The following PIK3CA variants were observed in gnomAD, a reference collection of about 807,000 sequenced individuals.
The protein encoded by PIK3CA is phosphatidylinositol 4,5-bisphosphate 3-kinase catalytic subunit alpha isoform.
In PIK3CA, 27 loss-of-function variants were observed where a neutral mutation model predicts 138.2. The ratio of observed to expected loss-of-function variants is 0.20; its 90% CI spans 0.14 to 0.27. The LOEUF (loss-of-function observed/expected upper bound fraction) is 0.27, where lower values mean the gene tolerates loss of function less well. Ranked by LOEUF, PIK3CA falls within the 10% of genes least tolerant of loss-of-function variation. The pLI is 1.00. For synonymous variants in PIK3CA, 358 were observed against 413.2 expected (o/e 0.87, Z 1.62); for missense variants, 544 against 1,277.4 (o/e 0.43, Z 8.75).
chr3:179,231,792 GCCAC>G (rs1725219349), intron 20 of PIK3CA, among the ~76,000 whole-genome samples: 2 of 151,698 alleles, frequency 1.3e-5, no homozygotes, highest in African/African-American at 4.8e-5. Context: ...ACAGGCACAT[GCCAC>G]CACACACGGC....
intron 17 of PIK3CA, among the ~76,000 whole-genome samples, chr3:179,226,298 C>T (rs566222012): frequency 1.6e-4 from 24 of 152,152 alleles, no homozygotes; most frequent in African/African-American, 5.8e-4. Context: ...AGGAACAAGA[C>T]AAAGGAGACA....
intron 3 of PIK3CA, 21 bp downstream of exon 3, chr3:179,199,920 C>A (rs922474796): frequency 7.2e-7 from 1 of 1,383,342 alleles, no homozygotes; most frequent in Non-Finnish European, 1.0e-6. Context: ...GACTAATCTA[C>A]TCTAATCATT....
intron 1 of PIK3CA, among the ~76,000 whole-genome samples, chr3:179,189,091 G>A (rs1576927424): frequency 6.6e-6 from 1 of 152,160 alleles, no homozygotes; most frequent in East Asian, 1.9e-4. Context: ...GCACATGCTT[G>A]TAGTCCCAGC....
At chr3:179,178,274 A>C (rs1296481044) in intron 1 of PIK3CA, among the ~76,000 whole-genome samples, 2 of 151,286 alleles carry the variant, frequency 1.3e-5, no homozygotes, top group Non-Finnish European at 2.9e-5. Context: ...AAAAAAAAAA[A>C]AAAAAACTCA....
chr3:179,195,491 A>G (rs1414074549), intron 1 of PIK3CA, among the ~76,000 whole-genome samples: 1 of 152,042 alleles, frequency 6.6e-6, no homozygotes, highest in South Asian at 2.1e-4. Flanking sequence ...TATTATCCCA[A>G]TTTCACAAAT....
intron 6 of PIK3CA, among the ~76,000 whole-genome samples, chr3:179,208,173 T>A (rs190564941): frequency 3.9e-5 from 6 of 152,316 alleles, no homozygotes; most frequent in African/African-American, 1.4e-4. Context: ...TTTTTAAAAA[T>A]CTTTATCCAT....
chr3:179,150,499 G>A (rs1050807362), intron 1 of PIK3CA, among the ~76,000 whole-genome samples: 1 of 152,020 alleles, frequency 6.6e-6, no homozygotes, highest in Non-Finnish European at 1.5e-5. Flanking sequence ...TTTATTTAAG[G>A]TTAAAAAAAT....
chr3:179,161,389 GAGAA>G (rs1484163058), intron 1 of PIK3CA, among the ~76,000 whole-genome samples: 1 of 152,132 alleles, frequency 6.6e-6, no homozygotes, highest in African/African-American at 2.4e-5. Flanking sequence ...GAACAGATAG[GAGAA>G]AGAAACATAA....
rs1346554417 is a variant in PIK3CA at position 179,203,802 on chromosome 3, G to T, written c.1059+13G>T. On this transcript the variant is annotated intron_variant, in intron 5 of 20. Coordinates refer to ENST00000263967, the MANE Select transcript of PIK3CA (RefSeq NM_006218.4). ...AGACATTGATAAGGTAAAGTCAAAT[G>T]CTGATGCTTATTATTTTATAGAAAT... 1 of 1,570,280 alleles carries T rather than the reference G, an allele frequency of 6.4e-7. No individual in the cohort carries two copies. Among genetic ancestry groups the T allele is most frequent in the Non-Finnish European group, 8.6e-7 (1 of 1,157,574 alleles).
At chr3:179,152,150 TA>T (rs1723028987) in intron 1 of PIK3CA, among the ~76,000 whole-genome samples, 1 of 152,214 alleles carries the variant, frequency 6.6e-6, no homozygotes, top group Non-Finnish European at 1.5e-5. Context: ...TTTTGGTCAC[TA>T]AAAATGTACA....
chr3:179,204,601 ATAGATT>A lies in PIK3CA; in HGVS notation c.1145+16_1145+21del. 1 of 1,265,552 alleles carries A rather than the reference ATAGATT, an allele frequency of 7.9e-7. No homozygotes were observed. Among genetic ancestry groups the A allele is most frequent in the Non-Finnish European group, 1.2e-6 (1 of 863,786 alleles). The allele number at this position is 1,265,552 out of a possible 1,614,324, so 78.4% of individuals were successfully genotyped here. A position where few individuals can be genotyped will look rare whatever the true frequency, so the allele number is the denominator to read the frequency against. On this transcript the variant is annotated intron_variant, in intron 6 of 20. Coordinates refer to ENST00000263967, the MANE Select transcript of PIK3CA (RefSeq NM_006218.4). ...GTTCCAATCCCAGGTAAGGAAGTAT[ATAGATT>A]TATATTTCCAAAGGTTATATTAGTG...
intron 1 of PIK3CA, among the ~76,000 whole-genome samples, chr3:179,177,867 G>C (rs567241100): frequency 6.6e-6 from 1 of 152,008 alleles, no homozygotes; most frequent in African/African-American, 2.4e-5. Flanking sequence ...AAAATGAATA[G>C]ACAAGCCACA....
intron 9 of PIK3CA, among the ~76,000 whole-genome samples, chr3:179,212,466 A>G (rs1724738683): frequency 6.6e-6 from 1 of 151,580 alleles, no homozygotes; most frequent in Non-Finnish European, 1.5e-5. Flanking sequence ...AAAATTAGCC[A>G]GGCGTTGTTG....
At chr3:179,155,006 C>T (rs550387272) in intron 1 of PIK3CA, among the ~76,000 whole-genome samples, 53 of 152,134 alleles carry the variant, frequency 3.5e-4, no homozygotes, top group Admixed American at 5.9e-4. Context: ...AGGTACACTT[C>T]GGATTTTAAG....
intron 1 of PIK3CA, among the ~76,000 whole-genome samples, chr3:179,167,356 A>T (rs1723445944): frequency 6.6e-6 from 1 of 151,894 alleles, no homozygotes; most frequent in Non-Finnish European, 1.5e-5. Flanking sequence ...CCTTTCATTC[A>T]TTTCTTTAGC....
At chr3:179,153,230 G>T (rs1723056422) in intron 1 of PIK3CA, among the ~76,000 whole-genome samples, 1 of 152,132 alleles carries the variant, frequency 6.6e-6, no homozygotes, top group Non-Finnish European at 1.5e-5. Context: ...GCAGACTGAA[G>T]TTATTGATAC....
chr3:179,152,454 G>T (rs1255184903), intron 1 of PIK3CA, among the ~76,000 whole-genome samples: 1 of 152,126 alleles, frequency 6.6e-6, no homozygotes, highest in Admixed American at 6.5e-5. Context: ...AGTATCAACA[G>T]TATTGGCTTT....
intron 1 of PIK3CA, among the ~76,000 whole-genome samples, chr3:179,180,428 C>T (rs942440041): frequency 1.3e-5 from 2 of 152,020 alleles, no homozygotes; most frequent in South Asian, 4.1e-4. Flanking sequence ...TTCCATCACC[C>T]ATCCCTTTGC....
At chr3:179,155,715 G>A (rs1723123368) in intron 1 of PIK3CA, among the ~76,000 whole-genome samples, 1 of 152,104 alleles carries the variant, frequency 6.6e-6, no homozygotes, top group Non-Finnish European at 1.5e-5. Context: ...ATCCACAGGG[G>A]TCCTAGACCC....
Sources: gnomAD v4.1 joint callset for allele counts (sites outside exome capture counted in the v4.1 genomes callset) on GRCh38, gnomAD v4.1.1 for gene constraint, MANE v1.5 for transcripts, NCBI Gene and HGNC (gene_info 2026-07-23, HGNC 2026-07-21) for gene names.